Variants in PPP3CC observed in about 807,000 individuals in gnomAD.
PPP3CC encodes serine/threonine-protein phosphatase 2B catalytic subunit gamma isoform.
In PPP3CC, 35 loss-of-function variants were observed where a neutral mutation model predicts 60.3. The observed-to-expected ratio is 0.58, with a 90% CI of 0.44 to 0.77. The LOEUF (loss-of-function observed/expected upper bound fraction) is 0.77, where lower values mean the gene tolerates loss of function less well. Among genes scored for constraint, PPP3CC ranks in the 30% least tolerant of loss-of-function variants. The probability of loss-of-function intolerance (pLI) is 0.00; values close to 1 mark genes in which losing one functional copy is unlikely to be tolerated. For missense variants in PPP3CC, 570 were observed against 628.9 expected, an observed-to-expected ratio of 0.91 and a Z score of 1.00; for synonymous variants, 206 against 224.3, an observed-to-expected ratio of 0.92 and a Z score of 0.73.
At chr8:22,455,058 A>C (rs911357835) in intron 1 of PPP3CC, among the ~76,000 whole-genome samples, 2 of 141,994 alleles carry the variant, frequency 1.4e-5, no homozygotes, top group Non-Finnish European at 3.0e-5. Context: ...TCCATCTCAA[A>C]AAAAAAAAAA....
chr8:22,444,424 A>G (rs1586775359), intron 1 of PPP3CC, among the ~76,000 whole-genome samples: 1 of 152,240 alleles, frequency 6.6e-6, no homozygotes, highest in East Asian at 1.9e-4. Flanking sequence ...AGAAGTAGTT[A>G]GTAGAGATAT....
intron 12 of PPP3CC, among the ~76,000 whole-genome samples, chr8:22,535,398 A>G (rs371417868): frequency 2.8e-4 from 43 of 152,376 alleles, no homozygotes; most frequent in African/African-American, 1.0e-3. Flanking sequence ...AAGCATTAAT[A>G]TCTTAAACTA....
intron 1 of PPP3CC, among the ~76,000 whole-genome samples, chr8:22,451,167 A>C (rs1236782047): frequency 2.4e-5 from 3 of 125,066 alleles, no homozygotes; most frequent in African/African-American, 9.2e-5. Context: ...ACAGAGTCTC[A>C]CTCTGTCTCC....
intron 1 of PPP3CC, among the ~76,000 whole-genome samples, chr8:22,454,143 C>G (rs1837118659): frequency 6.6e-6 from 1 of 152,214 alleles, no homozygotes; most frequent in Non-Finnish European, 1.5e-5. Context: ...GCTTAAAACA[C>G]AAACACATAT....
At chr8:22,534,542 G>A (rs1006066835) in intron 12 of PPP3CC, among the ~76,000 whole-genome samples, 3 of 152,190 alleles carry the variant, frequency 2.0e-5, no homozygotes, top group Non-Finnish European at 4.4e-5. Context: ...CTACTGGGCA[G>A]TAAAGCTAAA....
chr8:22,470,968 A>G (rs547447500), intron 1 of PPP3CC, among the ~76,000 whole-genome samples: 1 of 152,344 alleles, frequency 6.6e-6, no homozygotes, highest in East Asian at 1.9e-4. Context: ...TGTATTCATA[A>G]TGGCTCAAAT....
At chr8:22,522,428 C>T in intron 6 of PPP3CC, 63 bp from the exon 7 acceptor site, 1 of 1,326,120 alleles carries the variant, frequency 7.5e-7, no homozygotes, top group African/African-American at 1.5e-5. Flanking sequence ...GACTTTTCCC[C>T]ATCTTCCTAT....
chr8:22,480,690 G>C (rs1838036525), intron 3 of PPP3CC, among the ~76,000 whole-genome samples: 1 of 152,026 alleles, frequency 6.6e-6, no homozygotes, highest in African/African-American at 2.4e-5. Flanking sequence ...TATTGGCCAG[G>C]CTGGTCTCCA....
At chr8:22,523,608 C>T (rs1839466494) in intron 8 of PPP3CC, 1 of 445,708 alleles carries the variant, frequency 2.2e-6, no homozygotes, top group Non-Finnish European at 4.5e-6. Flanking sequence ...TGTTCAAAAA[C>T]ATTTTTGGAA....
Position 22,475,528 on chromosome 8 carries a change from T to G in PPP3CC, c.276T>G (p.Phe92Leu), listed in dbSNP as rs150347888. 7.4e-5 allele frequency: 119 copies of G among 1,610,894 alleles called. No homozygotes were observed. The highest frequency in any genetic ancestry group is 9.3e-5 in the Non-Finnish European group (110 of 1,177,750). Reference protein sequence around the residue: ...TVCGDIHGQFFDLMKLFEVGG... With the variant: ...TVCGDIHGQFLDLMKLFEVGG... ...GTGGTGATATTCATGGACAATTCTT[T>G]GACCTAATGAAGTTATTTGAAGTTG... is the stretch of plus-strand genomic sequence containing the variant. The change falls in exon 3 of 14, where the codon TTT becomes TTG. Residue 92 changes from phenylalanine to leucine, a missense_variant. Phe to Leu is a conservative substitution (Grantham distance 22). Transcript: ENST00000240139.
At chr8:22,500,438 A>C (rs1202503400) in intron 4 of PPP3CC, among the ~76,000 whole-genome samples, 1 of 152,042 alleles carries the variant, frequency 6.6e-6, no homozygotes, top group Non-Finnish European at 1.5e-5. Context: ...ATTATCTTAG[A>C]AAAATATATT....
chr8:22,514,876 C>T (rs1197852453), intron 6 of PPP3CC, among the ~76,000 whole-genome samples: 1 of 151,826 alleles, frequency 6.6e-6, no homozygotes, highest in African/African-American at 2.4e-5. Context: ...TGGGGTTTCA[C>T]CATGTTGGCC....
At chr8:22,502,450 C>T (rs942753601) in intron 4 of PPP3CC, among the ~76,000 whole-genome samples, 4 of 151,992 alleles carry the variant, frequency 2.6e-5, no homozygotes, top group Non-Finnish European at 5.9e-5. Flanking sequence ...TTTGGGAGGC[C>T]GAGATGGGGG....
At chr8:22,525,541 TCCCTCTCTCTC>T (rs770920757) in intron 8 of PPP3CC, among the ~76,000 whole-genome samples, 5 of 64,148 alleles carry the variant, frequency 7.8e-5, no homozygotes, top group Non-Finnish European at 9.6e-5. Flanking sequence ...TTTCTTTCTC[TCCCTCTCTCTC>T]TCTCTCTTTC....
chr8:22,451,122 A>G (rs1212157228), intron 1 of PPP3CC, among the ~76,000 whole-genome samples: 1 of 144,468 alleles, frequency 6.9e-6, no homozygotes, highest in East Asian at 2.1e-4. Flanking sequence ...TACAGGCGTG[A>G]GCCACCGCAC....
chr8:22,525,890 C>T (rs1839548830), intron 8 of PPP3CC, among the ~76,000 whole-genome samples: 1 of 142,002 alleles, frequency 7.0e-6, no homozygotes, highest in Non-Finnish European at 1.5e-5. Flanking sequence ...TTTTCAGAGA[C>T]AGAGTCTCAC....
chr8:22,467,583 C>T (rs1032309148), intron 1 of PPP3CC, among the ~76,000 whole-genome samples: 1 of 152,098 alleles, frequency 6.6e-6, no homozygotes, highest in Non-Finnish European at 1.5e-5. Context: ...AAGCACGCGC[C>T]ACCACACCCG....
At chr8:22,446,916 A>C (rs1295011519) in intron 1 of PPP3CC, among the ~76,000 whole-genome samples, 1 of 151,352 alleles carries the variant, frequency 6.6e-6, no homozygotes, top group Non-Finnish European at 1.5e-5. Flanking sequence ...CTTTGCTGCT[A>C]CTTAATTGCT....
chr8:22,483,398 T>C (rs1240619410), intron 3 of PPP3CC, among the ~76,000 whole-genome samples: 2 of 152,230 alleles, frequency 1.3e-5, no homozygotes, highest in African/African-American at 4.8e-5. Flanking sequence ...GCCATTCTCC[T>C]GCCTCAGCCT....
Sources: allele counts gnomAD v4.1 joint callset (sites outside exome capture counted in the v4.1 genomes callset), GRCh38; gene constraint gnomAD v4.1.1; transcripts MANE v1.5; gene names NCBI Gene and HGNC (gene_info 2026-07-23, HGNC 2026-07-21).